CBFA2T3: variants seen among roughly 807,000 people sequenced by gnomAD.
The protein encoded by CBFA2T3 is transcriptional corepressor CBFA2T3.
Under a neutral mutation model 58.6 loss-of-function variants are expected in CBFA2T3, and 31 were observed. That is an observed-to-expected ratio of 0.53 (90% CI 0.40 to 0.71). CBFA2T3 has a LOEUF of 0.71. Ranked by LOEUF, CBFA2T3 falls within the 30% of genes least tolerant of loss-of-function variation. The pLI, the probability that CBFA2T3 is intolerant of heterozygous loss-of-function variation, is 0.00. For missense variants in CBFA2T3, 1,076 were observed against 963.1 expected, an observed-to-expected ratio of 1.12 and a Z score of -1.55; for synonymous variants, 531 against 421.9, an observed-to-expected ratio of 1.26 and a Z score of -3.17.
chr16:88,923,677 T>C (rs1261472816), intron 1 of CBFA2T3, among the ~76,000 whole-genome samples: 3 of 152,250 alleles, frequency 2.0e-5, no homozygotes, highest in East Asian at 3.9e-4. Flanking sequence ...CTGCGCATCC[T>C]CCGCAACCCG....
chr16:88,944,589 C>T (rs767078260), intron 1 of CBFA2T3, among the ~76,000 whole-genome samples: 5 of 152,182 alleles, frequency 3.3e-5, no homozygotes, highest in South Asian at 2.1e-4. Flanking sequence ...TTCTGTCCTG[C>T]CAACTGCACT....
chr16:88,905,536 G>C (rs996668828), intron 1 of CBFA2T3, among the ~76,000 whole-genome samples: 48 of 151,784 alleles, frequency 3.2e-4, no homozygotes, highest in African/African-American at 1.1e-3. Flanking sequence ...GCTCGCCCAG[G>C]GTAGCCTTCA....
chr16:88,888,983 G>A (rs112062465), intron 5 of CBFA2T3, among the ~76,000 whole-genome samples: 3,004 of 152,036 alleles, frequency 0.02, 50 homozygotes, highest in South Asian at 0.057. Flanking sequence ...TCATGGACAG[G>A]GGCCGTAGGC....
In CBFA2T3 at chr16:88,921,207, A is replaced by G. The variant is rs377612408; in HGVS notation, c.152-19551T>C. 1.2e-4 allele frequency among the ~76,000 whole-genome samples: 19 copies of G among 152,378 alleles called. No individual in the cohort carries two copies. The East Asian group carries it at 3.1e-3, about 25-fold the overall frequency. ...TGTGTTTTACAAGCCTGCCTCTGCC[A>G]TTGTTGATGTAAACAGGTAAATTGT... On this transcript the variant is annotated intron_variant, in intron 1 of 11. Coordinates refer to ENST00000268679, the MANE Select transcript of CBFA2T3 (RefSeq NM_005187.6).
chr16:88,878,293 T>G (rs935966638), intron 11 of CBFA2T3, among the ~76,000 whole-genome samples: 1 of 152,230 alleles, frequency 6.6e-6, no homozygotes, highest in Non-Finnish European at 1.5e-5. Flanking sequence ...TCTCCCTAGC[T>G]GAGAGCAGGC....
At chr16:88,925,356 C>G (rs1176921191) in intron 1 of CBFA2T3, among the ~76,000 whole-genome samples, 1 of 152,214 alleles carries the variant, frequency 6.6e-6, no homozygotes, top group African/African-American at 2.4e-5. Flanking sequence ...GGTACCCTGA[C>G]TCATCCACCA....
Position 88,876,889 on chromosome 16 carries a change from A to G in CBFA2T3, c.*87T>C, listed in dbSNP as rs887834657. On this transcript the variant is annotated 3_prime_UTR_variant, in exon 12 of 12. Coordinates refer to ENST00000268679, the MANE Select transcript of CBFA2T3 (RefSeq NM_005187.6). ...GGGCGCAGTGTCTGGCAGGCCAGGCATCGGAGGCCAGGCACAGCATCCGGT... is the reference window on the plus strand; with the variant it reads ...GGGCGCAGTGTCTGGCAGGCCAGGCGTCGGAGGCCAGGCACAGCATCCGGT... The G allele has an allele frequency of 2.7e-6, 3 of 1,091,868 alleles. No individual in the cohort carries two copies. Among genetic ancestry groups the G allele is most frequent in the Non-Finnish European group, 3.7e-6 (3 of 812,066 alleles). The allele number at this position is 1,091,868 out of a possible 1,614,324, so 67.6% of individuals were successfully genotyped here.
At chr16:88,905,329 A>G (rs1417003296) in intron 1 of CBFA2T3, among the ~76,000 whole-genome samples, 1 of 151,824 alleles carries the variant, frequency 6.6e-6, no homozygotes, top group African/African-American at 2.4e-5. Context: ...AGGGCCATGC[A>G]CGACCCCCCA....
chr16:88,942,085 T>C (rs1971762025), intron 1 of CBFA2T3, among the ~76,000 whole-genome samples: 1 of 152,160 alleles, frequency 6.6e-6, no homozygotes, highest in Non-Finnish European at 1.5e-5. Flanking sequence ...GCATACACTT[T>C]GCATTCATTT....
intron 1 of CBFA2T3, among the ~76,000 whole-genome samples, chr16:88,944,305 C>G (rs183948357): frequency 1.7e-4 from 26 of 148,662 alleles, no homozygotes; most frequent in Admixed American, 1.4e-3. Flanking sequence ...CCACTGCACT[C>G]CAGCCTGGGT....
chr16:88,915,685 G>A (rs1597722088), intron 1 of CBFA2T3, among the ~76,000 whole-genome samples: 1 of 78,674 alleles, frequency 1.3e-5, no homozygotes, highest in African/African-American at 5.2e-5. Flanking sequence ...GAGGGGGAGC[G>A]TCGACGGGGG....
intron 1 of CBFA2T3, chr16:88,937,738 C>T (rs1225325992): frequency 3.9e-5 from 6 of 152,288 alleles, no homozygotes; most frequent in African/African-American, 1.2e-4. Context: ...ACTCTGCCCC[C>T]GCCTGGTATG....
chr16:88,885,262 C>T lies in CBFA2T3; in HGVS notation c.901G>A (p.Glu301Lys), dbSNP rs1035443089. The T allele has an allele frequency of 1.3e-6, 2 of 1,545,452 alleles. No homozygotes were observed. Among genetic ancestry groups the T allele is most frequent in the African/African-American group, 2.7e-5 (2 of 73,138 alleles). Residue 301 changes from glutamate to lysine, a missense_variant, in exon 7 of 12, where the codon GAG (glutamate) becomes AAG (lysine). Transcript: ENST00000268679. The surrounding 1 kb of genome is among the most constrained non-coding windows in gnomAD (Gnocchi z 5.3). ...AGCGGGTCGCGGTCTGACCCGTTCT[C>T]TTTGGTCCTAGCCCCAAGAGCAGGT... ...GKRRTPDRTK[E>K]NGSDRDPLHP...
intron 1 of CBFA2T3, among the ~76,000 whole-genome samples, chr16:88,930,155 C>G (rs1301655579): frequency 4.8e-5 from 7 of 147,126 alleles, no homozygotes; most frequent in South Asian, 2.1e-4. Flanking sequence ...CCAATACCCA[C>G]AGCTGCATGG....
chr16:88,941,585 G>A (rs1448184211), intron 1 of CBFA2T3, among the ~76,000 whole-genome samples: 9 of 148,140 alleles, frequency 6.1e-5, no homozygotes. Context: ...GGAGCAGGGA[G>A]AGGGGAGAGG....
chr16:88,917,843 T>TGGA (rs1970788294), intron 1 of CBFA2T3, among the ~76,000 whole-genome samples: 1 of 151,712 alleles, frequency 6.6e-6, no homozygotes, highest in Non-Finnish European at 1.5e-5. Flanking sequence ...AGTGTGGGTG[T>TGGA]GGACGACAGA....
intron 1 of CBFA2T3, among the ~76,000 whole-genome samples, chr16:88,970,500 T>C (rs558212169): frequency 6.6e-6 from 1 of 152,338 alleles, no homozygotes; most frequent in East Asian, 1.9e-4. Context: ...TGAGCTCGGC[T>C]GGTTTCCTGA....
intron 1 of CBFA2T3, among the ~76,000 whole-genome samples, chr16:88,964,023 C>A (rs1362990133): frequency 6.6e-6 from 1 of 152,232 alleles, no homozygotes; most frequent in South Asian, 2.1e-4. Flanking sequence ...GAGCTCCCAG[C>A]CCTGCACCTG....
At chr16:88,880,631 A>G in intron 10 of CBFA2T3, 89 bp downstream of exon 10, 1 of 1,069,066 alleles carries the variant, frequency 9.4e-7, no homozygotes, top group Non-Finnish European at 1.4e-6. Flanking sequence ...AGAGAGACAG[A>G]AGCTCTTCAA....
Sources: allele counts gnomAD v4.1 joint callset (sites outside exome capture counted in the v4.1 genomes callset), GRCh38; gene constraint gnomAD v4.1.1; non-coding constraint Gnocchi (gnomAD v3.1); transcripts MANE v1.5; gene names NCBI Gene and HGNC (gene_info 2026-07-23, HGNC 2026-07-21).